Variants in TMEM132B observed in about 807,000 individuals in gnomAD.
TMEM132B encodes transmembrane protein 132B.
In TMEM132B, 18 loss-of-function variants were observed where a neutral mutation model predicts 90.8. That is an observed-to-expected ratio of 0.20 (90% CI 0.14 to 0.29). The LOEUF is 0.29. TMEM132B is among the 10% of genes least tolerant of loss of function. The probability of loss-of-function intolerance (pLI) is 1.00; values close to 1 mark genes in which losing one functional copy is unlikely to be tolerated. For missense variants in TMEM132B, 1,096 were observed against 1,326.8 expected (o/e 0.83, Z 2.70); for synonymous variants, 504 against 523.3 (o/e 0.96, Z 0.50).
At chr12:125,340,198 T>C (rs1360562157) in intron 1 of TMEM132B, among the ~76,000 whole-genome samples, 1 of 151,744 alleles carries the variant, frequency 6.6e-6, no homozygotes, top group Non-Finnish European at 1.5e-5. Flanking sequence ...ATGAAAAGAG[T>C]AGGTGTAAGT....
At chr12:125,593,827 G>A (rs559404975) in intron 5 of TMEM132B, among the ~76,000 whole-genome samples, 4 of 152,252 alleles carry the variant, frequency 2.6e-5, no homozygotes, top group African/African-American at 4.8e-5. Flanking sequence ...TGTAGACAAC[G>A]GTATGAATGG....
chr12:125,301,976 T>A (rs1446625783), intron 1 of TMEM132B: 2 of 152,180 alleles, frequency 1.3e-5, no homozygotes, highest in Non-Finnish European at 2.9e-5. Flanking sequence ...CCGAGGTGGA[T>A]GGATCATGAG....
At chr12:125,354,953 C>T (rs945740649) in intron 2 of TMEM132B, among the ~76,000 whole-genome samples, 10 of 152,110 alleles carry the variant, frequency 6.6e-5, no homozygotes, top group Non-Finnish European at 1.3e-4. Flanking sequence ...ATGGAAACTG[C>T]GACTCTGAGA....
At chr12:125,476,542 A>G (rs893601317) in intron 3 of TMEM132B, among the ~76,000 whole-genome samples, 7 of 152,194 alleles carry the variant, frequency 4.6e-5, no homozygotes, top group South Asian at 2.1e-4. Context: ...TACTGTATCA[A>G]TGGACACTTG....
At chr12:125,325,695 G>T (rs908608512) in intron 1 of TMEM132B, among the ~76,000 whole-genome samples, 1 of 150,748 alleles carries the variant, frequency 6.6e-6, no homozygotes, top group Non-Finnish European at 1.5e-5. Flanking sequence ...GTGTGTGTGT[G>T]TGTGTGTGTG....
intron 4 of TMEM132B, among the ~76,000 whole-genome samples, chr12:125,574,907 C>T (rs1168543960): frequency 1.3e-5 from 2 of 150,844 alleles, no homozygotes; most frequent in Non-Finnish European, 3.0e-5. Context: ...TATGGCATTA[C>T]CTCACTATTC....
intron 3 of TMEM132B, among the ~76,000 whole-genome samples, chr12:125,465,249 A>C (rs1415326644): frequency 6.6e-6 from 1 of 152,208 alleles, no homozygotes; most frequent in Non-Finnish European, 1.5e-5. Flanking sequence ...ATCAGAAATT[A>C]CCTAGAAAAT....
chr12:125,549,366 T>C (rs1884165414), intron 4 of TMEM132B, among the ~76,000 whole-genome samples: 1 of 152,236 alleles, frequency 6.6e-6, no homozygotes, highest in Non-Finnish European at 1.5e-5. Flanking sequence ...GATCCTGCTG[T>C]GTGAGCTAAG....
At chr12:125,473,761 C>G (rs946035717) in intron 3 of TMEM132B, among the ~76,000 whole-genome samples, 13 of 152,138 alleles carry the variant, frequency 8.5e-5, no homozygotes, top group Non-Finnish European at 1.5e-4. Flanking sequence ...CTCAAGGGTC[C>G]CACAGTTGAC....
At chr12:125,442,986 T>C (rs1049674921) in intron 3 of TMEM132B, among the ~76,000 whole-genome samples, 7 of 152,198 alleles carry the variant, frequency 4.6e-5, no homozygotes, top group Admixed American at 2.6e-4. Context: ...GGTTCTCCAG[T>C]TTCTCCTTAT....
chr12:125,402,635 C>T (rs540786992), intron 2 of TMEM132B, among the ~76,000 whole-genome samples: 1 of 152,302 alleles, frequency 6.6e-6, no homozygotes, highest in Admixed American at 6.5e-5. Flanking sequence ...TGGCAGTCAG[C>T]AGAATCTGAC....
intron 1 of TMEM132B, among the ~76,000 whole-genome samples, chr12:125,324,506 C>T (rs1876508965): frequency 6.6e-6 from 1 of 152,178 alleles, no homozygotes; most frequent in Non-Finnish European, 1.5e-5. Flanking sequence ...TTCCCCAACC[C>T]CTAGGCCACG....
intron 3 of TMEM132B, among the ~76,000 whole-genome samples, chr12:125,519,164 C>A (rs532565002): frequency 6.6e-6 from 1 of 152,056 alleles, no homozygotes; most frequent in Non-Finnish European, 1.5e-5. Flanking sequence ...GCGTGGCATG[C>A]GAAGAGGTGA....
intron 4 of TMEM132B, among the ~76,000 whole-genome samples, chr12:125,576,209 A>T (rs913171283): frequency 6.6e-6 from 1 of 152,104 alleles, no homozygotes; most frequent in Non-Finnish European, 1.5e-5. Context: ...CATTAAACTT[A>T]TTTCCAAGTA....
intron 4 of TMEM132B, among the ~76,000 whole-genome samples, chr12:125,555,339 T>G (rs867276356): frequency 6.6e-6 from 1 of 151,694 alleles, no homozygotes; most frequent in Admixed American, 6.6e-5. Flanking sequence ...AAACAAGTGA[T>G]GTAATATTTT....
intron 4 of TMEM132B, among the ~76,000 whole-genome samples, chr12:125,540,879 C>T (rs1447416765): frequency 6.6e-6 from 1 of 152,242 alleles, no homozygotes; most frequent in Non-Finnish European, 1.5e-5. Flanking sequence ...AGATCTGGCC[C>T]CTGGCCACCT....
chr12:125,574,498 G>C (rs2086016705), intron 4 of TMEM132B, among the ~76,000 whole-genome samples: 1 of 152,008 alleles, frequency 6.6e-6, no homozygotes, highest in Non-Finnish European at 1.5e-5. Flanking sequence ...GTTCTTTCTA[G>C]ATCTAAGATA....
chr12:125,471,707 C>T (rs1281583964), intron 3 of TMEM132B, among the ~76,000 whole-genome samples: 1 of 152,164 alleles, frequency 6.6e-6, no homozygotes, highest in Admixed American at 6.5e-5. Context: ...AATGAACTGC[C>T]TGGAGATGGA....
At chr12:125,297,396 C>T (rs938312766) in intron 1 of TMEM132B, among the ~76,000 whole-genome samples, 1 of 152,160 alleles carries the variant, frequency 6.6e-6, no homozygotes, top group African/African-American at 2.4e-5. Context: ...TCCTGGGGTG[C>T]CCTGTGTGGA....
Sources: allele counts gnomAD v4.1 joint callset (sites outside exome capture counted in the v4.1 genomes callset), GRCh38; gene constraint gnomAD v4.1.1; transcripts MANE v1.5; gene names NCBI Gene and HGNC (gene_info 2026-07-23, HGNC 2026-07-21).